The following KLC1 variants were observed in gnomAD, a reference collection of about 807,000 sequenced individuals.
The protein encoded by KLC1 is kinesin light chain 1.
Under a neutral mutation model 84.2 loss-of-function variants are expected in KLC1, and 30 were observed. The observed-to-expected ratio is 0.36, with a 90% CI of 0.27 to 0.48. The LOEUF (loss-of-function observed/expected upper bound fraction) is 0.48, where lower values mean the gene tolerates loss of function less well. Among genes scored for constraint, KLC1 ranks in the 20% least tolerant of loss-of-function variants. KLC1 has a pLI of 0.99. For synonymous variants in KLC1, 289 were observed against 293.3 expected, an observed-to-expected ratio of 0.99 and a Z score of 0.15; for missense variants, 499 against 805.4, an observed-to-expected ratio of 0.62 and a Z score of 4.60.
intron 1 of KLC1, 21 bp from the exon 2 acceptor site, chr14:103,654,543 C>A (rs771031353): frequency 5.1e-6 from 8 of 1,561,316 alleles, no homozygotes; most frequent in South Asian, 2.4e-5. Context: ...GATCTAATTT[C>A]TTTTTCTTTT....
At chr14:103,681,704 G>T (rs548650194) in intron 13 of KLC1, among the ~76,000 whole-genome samples, 1 of 152,056 alleles carries the variant, frequency 6.6e-6, no homozygotes, top group Non-Finnish European at 1.5e-5. Context: ...TGATCTGCCC[G>T]CCTCGGCCTC....
At chr14:103,663,068 A>T (rs2079422155) in intron 5 of KLC1, 141 bp downstream of exon 5, 1 of 575,216 alleles carries the variant, frequency 1.7e-6, no homozygotes. Context: ...GGTTAAATTA[A>T]AAATATTTAG....
intron 12 of KLC1, among the ~76,000 whole-genome samples, chr14:103,678,625 G>A (rs2081117772): frequency 6.6e-6 from 1 of 151,974 alleles, no homozygotes; most frequent in African/African-American, 2.4e-5. Context: ...GGGAGCTGGA[G>A]GTTGCAGTGA....
chr14:103,656,605 A>T (rs910363031), intron 2 of KLC1, among the ~76,000 whole-genome samples: 1 of 152,224 alleles, frequency 6.6e-6, no homozygotes, highest in African/African-American at 2.4e-5. Context: ...TAGAGTCTTC[A>T]TCCTAACCAT....
intron 11 of KLC1, among the ~76,000 whole-genome samples, chr14:103,676,359 C>A (rs1417978658): frequency 5.3e-5 from 8 of 152,174 alleles, no homozygotes. Context: ...ACCTCCACCT[C>A]CCAGGTTCAA....
intron 2 of KLC1, among the ~76,000 whole-genome samples, chr14:103,657,149 C>G (rs2078897266): frequency 6.6e-6 from 1 of 152,120 alleles, no homozygotes; most frequent in African/African-American, 2.4e-5. Flanking sequence ...CCAACATGCA[C>G]TCTGTGCGCA....
intron 14 of KLC1, among the ~76,000 whole-genome samples, chr14:103,691,574 T>C (rs2082118580): frequency 6.8e-6 from 1 of 147,820 alleles, no homozygotes; most frequent in Non-Finnish European, 1.5e-5. Flanking sequence ...GTTCAAATGA[T>C]TTTCCTGCCT....
At chr14:103,661,132 A>G (rs1459630361) in intron 3 of KLC1, among the ~76,000 whole-genome samples, 1 of 152,080 alleles carries the variant, frequency 6.6e-6, no homozygotes, top group Non-Finnish European at 1.5e-5. Flanking sequence ...CCCTAGGGTG[A>G]GGGGTTCTCC....
intron 13 of KLC1, chr14:103,686,325 C>A: frequency 1.7e-6 from 1 of 579,374 alleles, no homozygotes; most frequent in Non-Finnish European, 2.2e-6. Context: ...GACAGTTCAT[C>A]TCACCAAGGA....
At chr14:103,679,229 CCCTCACCCCCTCCAA>C in intron 12 of KLC1, 140 bp from the exon 13 acceptor site, 1 of 963,918 alleles carries the variant, frequency 1.0e-6, no homozygotes, top group Middle Eastern at 2.7e-4. Flanking sequence ...CCCGCCTCCA[CCCTCACCCCCTCCAA>C]GGAACCACTC....
rs530503481 is a variant in KLC1, at chr14:103,662,319, G to A, written c.571+125G>A. 192 of 811,072 alleles carry A rather than the reference G, an allele frequency of 2.4e-4. 3 individuals are homozygous for A. The East Asian group carries it at 4.4e-3, about 18-fold the overall frequency. The allele number at this position is 811,072 out of a possible 1,614,324, so 50.2% of individuals were successfully genotyped here. A position where few individuals can be genotyped will look rare whatever the true frequency, so the allele number is the denominator to read the frequency against. On this transcript the variant is annotated intron_variant, in intron 4 of 16. Coordinates refer to ENST00000334553, the MANE Select transcript of KLC1 (RefSeq NM_001394837.1). ...CCTGCCTGGAGGAAGCACCACCAGA[G>A]CGGGGTTGCCTTTGGTTTTCCAAAA... is the stretch of plus-strand genomic sequence containing the variant.
At chr14:103,636,642 C>G (rs1389078710) in intron 1 of KLC1, among the ~76,000 whole-genome samples, 1 of 151,998 alleles carries the variant, frequency 6.6e-6, no homozygotes, top group Non-Finnish European at 1.5e-5. Flanking sequence ...CTTTGTATGC[C>G]TGGATTTGTA....
chr14:103,664,161 C>CT (rs1431968878), intron 5 of KLC1, among the ~76,000 whole-genome samples: 3 of 151,798 alleles, frequency 2.0e-5, no homozygotes, highest in East Asian at 1.9e-4. Context: ...TTTCTTTTTT[C>CT]TTTTTTTTGA....
intron 12 of KLC1, among the ~76,000 whole-genome samples, chr14:103,678,939 A>G (rs549576013): frequency 3.3e-5 from 5 of 152,330 alleles, no homozygotes; most frequent in African/African-American, 1.2e-4. Flanking sequence ...ATACTACCTC[A>G]TCCCCACTAG....
At chr14:103,676,714 A>C (rs2080914164) in intron 11 of KLC1, among the ~76,000 whole-genome samples, 1 of 152,206 alleles carries the variant, frequency 6.6e-6, no homozygotes, top group Non-Finnish European at 1.5e-5. Flanking sequence ...TTCTGTACCC[A>C]AAATGCCTAT....
Position 103,693,504 on chromosome 14 carries a change from A to G in KLC1, c.1848+1079A>G. 1 of 1,535,280 alleles carries G rather than the reference A, an allele frequency of 6.5e-7. No individual in the cohort carries two copies. ...CCTGAGGCCATTTGAAGCTGGCATC[A>G]TTTGAAGTCCTGGTTAAGTGTAATT... On this transcript the variant is annotated intron_variant, in intron 15 of 16. Transcript: ENST00000334553. This position sits in a 1 kb window ranked among gnomAD's most constrained non-coding sequence, Gnocchi z 5.1.
chr14:103,696,091 C>CGGGGGGGGGGGGGGGGGGGGGGGGGGG, intron 15 of KLC1: 1 of 744,680 alleles, frequency 1.3e-6, no homozygotes, highest in Non-Finnish European at 1.5e-6. Flanking sequence ...ATAATCACTG[C>CGGGGGGGGGGGGGGGGGGGGGGGGGGG]GCCCCCGCCC....
intron 14 of KLC1, among the ~76,000 whole-genome samples, chr14:103,690,175 C>A (rs1031172616): frequency 6.7e-6 from 1 of 149,098 alleles, no homozygotes; most frequent in African/African-American, 2.5e-5. Context: ...AGTGAAACTT[C>A]GTCTCAAAAA....
intron 1 of KLC1, among the ~76,000 whole-genome samples, chr14:103,642,769 GTT>G (rs1301279531): frequency 2.1e-5 from 3 of 139,940 alleles, no homozygotes; most frequent in African/African-American, 2.6e-5. Context: ...TGGTTTTTTG[GTT>G]TTTTTTTTTT....
Sources: gnomAD v4.1 joint callset for allele counts (sites outside exome capture counted in the v4.1 genomes callset) on GRCh38, gnomAD v4.1.1 for gene constraint, Gnocchi (gnomAD v3.1) non-coding constraint, MANE v1.5 for transcripts, NCBI Gene and HGNC (gene_info 2026-07-23, HGNC 2026-07-21) for gene names.